EYA2: variants seen among roughly 807,000 people sequenced by gnomAD.
EYA2 encodes protein phosphatase EYA2.
A neutral mutation model predicts 69.2 loss-of-function variants in EYA2; 31 were observed. The observed-to-expected ratio is 0.45, with a 90% CI of 0.34 to 0.60. EYA2 has a LOEUF of 0.60. Ranked by LOEUF, EYA2 falls within the 20% of genes least tolerant of loss-of-function variation. The pLI is 0.02. For missense variants in EYA2, 622 were observed against 701.2 expected, an observed-to-expected ratio of 0.89 and a Z score of 1.28; for synonymous variants, 257 against 279.4, an observed-to-expected ratio of 0.92 and a Z score of 0.80.
chr20:46,958,041 G>A (rs1381105379), intron 1 of EYA2, among the ~76,000 whole-genome samples: 1 of 152,160 alleles, frequency 6.6e-6, no homozygotes, highest in African/African-American at 2.4e-5. Context: ...CTCCCCTGCT[G>A]TATCAAAGTT....
At chr20:47,078,929 C>T (rs181564410) in intron 7 of EYA2, among the ~76,000 whole-genome samples, 44 of 152,012 alleles carry the variant, frequency 2.9e-4, no homozygotes, top group Middle Eastern at 3.4e-3. Flanking sequence ...AGAATTTATC[C>T]GAAAGATAAA....
At chr20:47,064,347 T>C (rs1471942391) in intron 5 of EYA2, among the ~76,000 whole-genome samples, 1 of 152,246 alleles carries the variant, frequency 6.6e-6, no homozygotes, top group African/African-American at 2.4e-5. Flanking sequence ...AATATTCCAT[T>C]GTATGGCTGA....
intron 9 of EYA2, among the ~76,000 whole-genome samples, chr20:47,127,511 G>A (rs952443597): frequency 2.5e-4 from 38 of 152,178 alleles, no homozygotes; most frequent in African/African-American, 9.2e-4. Context: ...GGCTGAGGCA[G>A]GAGAATCACT....
chr20:47,148,936 G>T (rs1254166724), intron 10 of EYA2, among the ~76,000 whole-genome samples: 1 of 152,124 alleles, frequency 6.6e-6, no homozygotes, highest in Non-Finnish European at 1.5e-5. Flanking sequence ...GGACCCCTTA[G>T]GTTTTGACTT....
chr20:47,026,622 T>G (rs1304573337), intron 5 of EYA2, among the ~76,000 whole-genome samples: 2 of 152,256 alleles, frequency 1.3e-5, no homozygotes, highest in African/African-American at 4.8e-5. Flanking sequence ...GGATTGAACC[T>G]GCTCCAGGAT....
intron 1 of EYA2, among the ~76,000 whole-genome samples, chr20:46,939,625 C>G (rs1447880170): frequency 6.6e-6 from 1 of 152,134 alleles, no homozygotes; most frequent in East Asian, 1.9e-4. Flanking sequence ...AAGAAAATGA[C>G]TTACTGTAAA....
At chr20:47,155,644 A>G (rs538233124) in intron 10 of EYA2, among the ~76,000 whole-genome samples, 1 of 151,810 alleles carries the variant, frequency 6.6e-6, no homozygotes, top group Non-Finnish European at 1.5e-5. Flanking sequence ...GAACCATCTC[A>G]CCGCATCCTC....
chr20:46,967,578 C>G (rs1979866994), intron 1 of EYA2, among the ~76,000 whole-genome samples: 1 of 152,124 alleles, frequency 6.6e-6, no homozygotes, highest in African/African-American at 2.4e-5. Flanking sequence ...GAAGGATGAG[C>G]ATTCAGGACA....
At chr20:47,007,289 A>G (rs1213029063) in intron 4 of EYA2, among the ~76,000 whole-genome samples, 1 of 152,238 alleles carries the variant, frequency 6.6e-6, no homozygotes, top group Admixed American at 6.5e-5. Flanking sequence ...TAAAGGAAGC[A>G]AAGACTTGTT....
intron 6 of EYA2, among the ~76,000 whole-genome samples, chr20:47,073,266 T>C (rs2031382630): frequency 6.6e-6 from 1 of 152,206 alleles, no homozygotes; most frequent in Non-Finnish European, 1.5e-5. Context: ...ACAATGACTG[T>C]TGGAGAATTG....
intron 4 of EYA2, among the ~76,000 whole-genome samples, chr20:47,008,052 G>A (rs1934840): frequency 0.53 from 81,137 of 151,972 alleles, 23,066 homozygotes; most frequent in Non-Finnish European, 0.66. Flanking sequence ...GGCCTGGGGC[G>A]AGGCCATGGC....
chr20:46,978,116 G>C (rs79856675), intron 1 of EYA2: 12,009 of 158,500 alleles, frequency 0.076, 607 homozygotes, highest in Non-Finnish European at 0.12. Context: ...TTCTCCAGCA[G>C]TTCATCTTGG....
intron 1 of EYA2, among the ~76,000 whole-genome samples, chr20:46,988,352 G>A (rs547012996): frequency 1.3e-5 from 2 of 152,072 alleles, no homozygotes; most frequent in East Asian, 3.9e-4. Context: ...TCTTCACCGT[G>A]ACCATTTTCC....
intron 9 of EYA2, among the ~76,000 whole-genome samples, chr20:47,134,848 C>A (rs2146584077): frequency 6.6e-6 from 1 of 152,286 alleles, no homozygotes; most frequent in South Asian, 2.1e-4. Flanking sequence ...AGACAACGGG[C>A]CGGGTGCAGT....
At chr20:47,172,909 A>T (rs2146656975) in intron 12 of EYA2, 42 bp downstream of exon 12, 1 of 1,572,850 alleles carries the variant, frequency 6.4e-7, no homozygotes, top group Non-Finnish European at 8.7e-7. Context: ...AGGGAAACTC[A>T]TTGGGATGGA....
chr20:46,963,447 G>C (rs1417415023), intron 1 of EYA2, among the ~76,000 whole-genome samples: 1 of 152,152 alleles, frequency 6.6e-6, no homozygotes, highest in Non-Finnish European at 1.5e-5. Flanking sequence ...GAACCGACAA[G>C]GTCCCTGCCC....
At chr20:46,981,339 A>G (rs1311842375) in intron 1 of EYA2, among the ~76,000 whole-genome samples, 2 of 152,208 alleles carry the variant, frequency 1.3e-5, no homozygotes, top group African/African-American at 4.8e-5. Context: ...TCACATTCCT[A>G]TACTCTGTGG....
At chr20:47,023,686 G>C (rs1049276984) in intron 5 of EYA2, among the ~76,000 whole-genome samples, 1 of 136,814 alleles carries the variant, frequency 7.3e-6, no homozygotes, top group Non-Finnish European at 1.5e-5. Context: ...CACCCAGGCT[G>C]GAGTGCAGTG....
chr20:47,019,477 T>G (rs1983616276), intron 5 of EYA2, among the ~76,000 whole-genome samples: 1 of 150,874 alleles, frequency 6.6e-6, no homozygotes, highest in South Asian at 2.1e-4. Flanking sequence ...CCTATTAACT[T>G]TTTTTTTTTC....
Sources: gnomAD v4.1 joint callset for allele counts (sites outside exome capture counted in the v4.1 genomes callset) on GRCh38, gnomAD v4.1.1 for gene constraint, MANE v1.5 for transcripts, NCBI Gene and HGNC (gene_info 2026-07-23, HGNC 2026-07-21) for gene names.